Variants in FBLN5 observed in about 807,000 individuals in gnomAD.
FBLN5 encodes fibulin-5.
A neutral mutation model predicts 61.6 loss-of-function variants in FBLN5; 24 were observed. The ratio of observed to expected loss-of-function variants is 0.39; its 90% CI spans 0.28 to 0.55. The LOEUF (loss-of-function observed/expected upper bound fraction) is 0.55, where lower values mean the gene tolerates loss of function less well. Among genes scored for constraint, FBLN5 ranks in the 20% least tolerant of loss-of-function variants. The pLI, the probability that FBLN5 is intolerant of heterozygous loss-of-function variation, is 0.65. For missense variants in FBLN5, 470 were observed against 594.1 expected (o/e 0.79, Z 2.17); for synonymous variants, 213 against 219.8 (o/e 0.97, Z 0.27).
At chr14:91,934,617 A>G (rs1436078248) in intron 4 of FBLN5, among the ~76,000 whole-genome samples, 5 of 152,146 alleles carry the variant, frequency 3.3e-5, no homozygotes, top group Non-Finnish European at 7.4e-5. Flanking sequence ...AAGTTTCAGA[A>G]ATGTTTCCCA....
chr14:91,883,191 C>T (rs1321094092), intron 7 of FBLN5, 115 bp from the exon 8 acceptor site: 4 of 1,200,598 alleles, frequency 3.3e-6, no homozygotes, highest in Non-Finnish European at 3.7e-6. Context: ...GGCTTTACTG[C>T]CAAGAAGCTG....
At chr14:91,885,214 A>C (rs186019621) in intron 7 of FBLN5, among the ~76,000 whole-genome samples, 164 of 152,320 alleles carry the variant, frequency 1.1e-3, no homozygotes, top group African/African-American at 2.9e-3. Flanking sequence ...GGTCACACCA[A>C]GTCTTCAGGA....
At chr14:91,898,293 T>C (rs970813647) in intron 4 of FBLN5, among the ~76,000 whole-genome samples, 3 of 152,074 alleles carry the variant, frequency 2.0e-5, no homozygotes, top group South Asian at 2.1e-4. Context: ...TCAAGAACTA[T>C]TGAATGAATG....
intron 10 of FBLN5, 99 bp from the exon 11 acceptor site, chr14:91,870,484 C>A (rs539867588): frequency 1.6e-5 from 19 of 1,185,850 alleles, no homozygotes; most frequent in South Asian, 1.5e-4. Flanking sequence ...CAAACTGGCA[C>A]CCCCTCGGTG....
chr14:91,937,113 C>G lies in FBLN5; in HGVS notation c.213G>C (p.Arg71=). 1 of 1,614,022 alleles carries G rather than the reference C, an allele frequency of 6.2e-7. No individual in the cohort carries two copies. The highest frequency in any genetic ancestry group is 8.5e-7 in the Non-Finnish European group (1 of 1,180,014). Residue 71 remains arginine, a synonymous_variant, in exon 4 of 11, where the codon CGG becomes CGC. Transcript: ENST00000342058. ...AGGGCCCTCGATACACAGGGTTTGT[C>G]CGGGGAATGCATAAATACCCGCCAT... ...NQNGGYLCIP[R]TNPVYRGPYS... is the part of the protein sequence containing the mutation.
intron 10 of FBLN5, 145 bp from the exon 11 acceptor site, chr14:91,870,530 C>G: frequency 2.6e-6 from 2 of 773,810 alleles, no homozygotes; most frequent in Non-Finnish European, 4.5e-6. Flanking sequence ...TGGCTTTGCC[C>G]ACTCTCCACC....
intron 9 of FBLN5, chr14:91,878,072 GAAATTTTT>G (rs1889257341): frequency 2.4e-6 from 1 of 410,806 alleles, no homozygotes; most frequent in Non-Finnish European, 4.7e-6. Flanking sequence ...AAGAAAGAAA[GAAATTTTT>G]AAAGTAAGAA....
chr14:91,911,381 G>A lies in FBLN5; in HGVS notation c.380-16309C>T, dbSNP rs150394484. On this transcript the variant is annotated intron_variant, in intron 4 of 10. Coordinates refer to ENST00000342058, the MANE Select transcript of FBLN5 (RefSeq NM_006329.4). ...GTGAAAGGAGTTGATAATGATGGTA[G>A]TTAATTCATGGGGTTTTGTGAGAAT... Among the ~76,000 whole-genome samples, 33 of 152,320 alleles carry A rather than the reference G, an allele frequency of 2.2e-4. No homozygotes were observed. The East Asian group carries it at 5.0e-3, about 23-fold the overall frequency.
In FBLN5 at chr14:91,877,779, C is replaced by T. The variant is rs1210771915; in HGVS notation, c.990-97G>A. ...TAAAACACTGAAAATGAGGCCACCCCATTTTTAGCATCCAAATGCCATAAC... is the reference window on the plus strand; with the variant it reads ...TAAAACACTGAAAATGAGGCCACCCTATTTTTAGCATCCAAATGCCATAAC... On this transcript the variant is annotated intron_variant, in intron 9 of 10. Transcript: ENST00000342058. The T allele has an allele frequency of 4.4e-6, 4 of 904,032 alleles. No homozygotes were observed. The East Asian group carries it at 9.9e-5, about 22-fold the overall frequency. 56.0% of individuals were successfully genotyped at this position (904,032 alleles called of 1,614,324 possible).
At chr14:91,884,468 G>A (rs1889635434) in intron 7 of FBLN5, among the ~76,000 whole-genome samples, 1 of 152,186 alleles carries the variant, frequency 6.6e-6, no homozygotes, top group African/African-American at 2.4e-5. Context: ...TATATGCCAA[G>A]CAGTGGGTTA....
chr14:91,943,520 C>T lies in FBLN5; in HGVS notation c.18-559G>A, dbSNP rs766847433. 6.6e-6 allele frequency among the ~76,000 whole-genome samples: 1 copy of T among 151,870 alleles called. No homozygotes were observed. The stretch of plus-strand genomic sequence containing the variant: ...CGAGACCTTGTCCTCCCCCCACCCC[C>T]CAAAAAAGCTAAAACCTCCCACTAT... On this transcript the variant is annotated intron_variant, in intron 1 of 10. Transcript: ENST00000342058. The surrounding 1 kb of genome is among the most constrained non-coding windows in gnomAD (Gnocchi z 4.0).
intron 4 of FBLN5, among the ~76,000 whole-genome samples, chr14:91,903,695 C>T (rs1013715735): frequency 9.2e-5 from 14 of 152,124 alleles, no homozygotes; most frequent in African/African-American, 2.9e-4. Context: ...ACAGTGCCAC[C>T]GTTTTCCAGT....
intron 4 of FBLN5, among the ~76,000 whole-genome samples, chr14:91,901,384 C>T (rs1890443980): frequency 6.6e-6 from 1 of 152,186 alleles, no homozygotes; most frequent in African/African-American, 2.4e-5. Context: ...CCAAGGCCTC[C>T]ACTCTTCCTT....
At chr14:91,920,536 G>A (rs971707653) in intron 4 of FBLN5, among the ~76,000 whole-genome samples, 11 of 152,050 alleles carry the variant, frequency 7.2e-5, no homozygotes, top group East Asian at 1.9e-4. Context: ...TTTATTCAGC[G>A]CTGCCAATGG....
intron 4 of FBLN5, among the ~76,000 whole-genome samples, chr14:91,905,735 A>G (rs1359227837): frequency 1.3e-5 from 2 of 151,706 alleles, no homozygotes; most frequent in East Asian, 1.9e-4. Flanking sequence ...ACATGCCGCC[A>G]TGCCCAGCTA....
chr14:91,936,396 A>G (rs2056016292), intron 4 of FBLN5, among the ~76,000 whole-genome samples: 1 of 152,178 alleles, frequency 6.6e-6, no homozygotes, highest in Non-Finnish European at 1.5e-5. Context: ...TCTTGCTGTG[A>G]GTTCCTATCA....
intron 4 of FBLN5, among the ~76,000 whole-genome samples, chr14:91,927,580 T>C (rs1335196120): frequency 6.6e-6 from 1 of 152,248 alleles, no homozygotes; most frequent in Non-Finnish European, 1.5e-5. Flanking sequence ...ACATTTAGAA[T>C]GACTGCACTT....
intron 5 of FBLN5, among the ~76,000 whole-genome samples, chr14:91,892,062 G>A (rs943028171): frequency 5.3e-5 from 8 of 152,318 alleles, no homozygotes; most frequent in South Asian, 2.1e-4. Context: ...GGAAAGCGGC[G>A]GCACTGTGGG....
intron 7 of FBLN5, among the ~76,000 whole-genome samples, chr14:91,886,465 G>A (rs1477047294): frequency 1.3e-5 from 2 of 151,924 alleles, no homozygotes; most frequent in Non-Finnish European, 2.9e-5. Context: ...CTTTCTAGGG[G>A]AAAAAAAGAG....
Sources: gnomAD v4.1 joint callset for allele counts (sites outside exome capture counted in the v4.1 genomes callset) on GRCh38, gnomAD v4.1.1 for gene constraint, Gnocchi (gnomAD v3.1) non-coding constraint, MANE v1.5 for transcripts, NCBI Gene and HGNC (gene_info 2026-07-23, HGNC 2026-07-21) for gene names.